FRMD6: variants seen among roughly 807,000 people sequenced by gnomAD.
The protein encoded by FRMD6 is FERM domain containing 6, also known as FERM domain-containing protein 6.
Under a neutral mutation model 73.2 loss-of-function variants are expected in FRMD6, and 37 were observed. That is an observed-to-expected ratio of 0.51 (90% CI 0.39 to 0.66). FRMD6 has a LOEUF of 0.66. Among genes scored for constraint, FRMD6 ranks in the 30% least tolerant of loss-of-function variants. The pLI is 0.00. For synonymous variants in FRMD6, 273 were observed against 282.2 expected (o/e 0.97, Z 0.33); for missense variants, 714 against 780.5 (o/e 0.91, Z 1.02).
chr14:51,509,116 G>C (rs1427418858), intron 1 of FRMD6, among the ~76,000 whole-genome samples: 2 of 152,212 alleles, frequency 1.3e-5, no homozygotes, highest in Admixed American at 1.3e-4. Context: ...GAATTGCCCT[G>C]AGGGGTGGTT....
chr14:51,559,874 G>A (rs1481892464), intron 1 of FRMD6, among the ~76,000 whole-genome samples: 1 of 152,194 alleles, frequency 6.6e-6, no homozygotes. Context: ...TCAGAAGTGA[G>A]TATAAGCACA....
the FRMD6 span, among the ~76,000 whole-genome samples, chr14:51,438,423 G>A: frequency 1.3e-5 from 2 of 152,190 alleles, no homozygotes; most frequent in Admixed American, 6.5e-5. Context: ...GCTTTGTTAC[G>A]ATACAACTAA....
At chr14:51,676,590 G>A (rs913210017) in intron 1 of FRMD6, among the ~76,000 whole-genome samples, 5 of 152,110 alleles carry the variant, frequency 3.3e-5, no homozygotes, top group Admixed American at 6.6e-5. Context: ...TCTTTTTAAA[G>A]TTTAATTATC....
intron 3 of FRMD6, among the ~76,000 whole-genome samples, chr14:51,700,636 T>A (rs1896251758): frequency 6.6e-6 from 1 of 151,990 alleles, no homozygotes; most frequent in South Asian, 2.1e-4. Flanking sequence ...TACATAGCAA[T>A]TAAGATAGTG....
chr14:51,543,197 C>A (rs902529596), intron 1 of FRMD6, among the ~76,000 whole-genome samples: 7 of 151,892 alleles, frequency 4.6e-5, no homozygotes, highest in Non-Finnish European at 8.8e-5. Context: ...CTTGCACTGA[C>A]AGTATTACCA....
intron 2 of FRMD6, among the ~76,000 whole-genome samples, chr14:51,630,513 G>A (rs557997997): frequency 3.9e-5 from 6 of 152,188 alleles, no homozygotes; most frequent in Non-Finnish European, 8.8e-5. Flanking sequence ...ACTTTGGGAA[G>A]CCAAAGTCAG....
At chr14:51,527,113 A>G (rs1373355501) in intron 1 of FRMD6, among the ~76,000 whole-genome samples, 1 of 152,276 alleles carries the variant, frequency 6.6e-6, no homozygotes, top group Non-Finnish European at 1.5e-5. Flanking sequence ...TGGAGATTAA[A>G]TAACACTTGC....
intron 2 of FRMD6, among the ~76,000 whole-genome samples, chr14:51,644,456 C>T (rs1891972275): frequency 6.6e-6 from 1 of 151,680 alleles, no homozygotes; most frequent in Non-Finnish European, 1.5e-5. Flanking sequence ...TTCATTCATT[C>T]AACAAATATG....
the FRMD6 span, among the ~76,000 whole-genome samples, chr14:51,459,884 C>CTCTTTTTT: frequency 4.0e-5 from 3 of 74,650 alleles, no homozygotes; most frequent in African/African-American, 1.7e-4. Flanking sequence ...TACTGACTCT[C>CTCTTTTTT]TTTTTTTTTT....
the FRMD6 span, among the ~76,000 whole-genome samples, chr14:51,474,138 G>A: frequency 6.6e-5 from 10 of 152,266 alleles, no homozygotes; most frequent in East Asian, 7.7e-4. Flanking sequence ...CAGAGCCCAT[G>A]CTTTTAATCA....
intron 1 of FRMD6, among the ~76,000 whole-genome samples, chr14:51,548,491 A>C (rs1267049915): frequency 2.0e-5 from 3 of 152,196 alleles, no homozygotes; most frequent in African/African-American, 7.2e-5. Flanking sequence ...GGCTTAGGGT[A>C]ATTAGCTCTG....
chr14:51,583,438 A>G (rs1888847678), intron 2 of FRMD6, among the ~76,000 whole-genome samples: 1 of 152,220 alleles, frequency 6.6e-6, no homozygotes, highest in South Asian at 2.1e-4. Flanking sequence ...GCACGAAACA[A>G]TTTAATTCTT....
At chr14:51,619,367 G>A (rs531511099) in intron 2 of FRMD6, among the ~76,000 whole-genome samples, 1 of 151,402 alleles carries the variant, frequency 6.6e-6, no homozygotes, top group South Asian at 2.1e-4. Flanking sequence ...GTATGCAAGA[G>A]GAGGAGGATA....
intron 10 of FRMD6, among the ~76,000 whole-genome samples, chr14:51,716,672 C>T (rs992291801): frequency 3.3e-5 from 5 of 152,236 alleles, no homozygotes; most frequent in Non-Finnish European, 7.3e-5. Context: ...TCCTCACTGT[C>T]TGCCACAAAC....
intron 3 of FRMD6, among the ~76,000 whole-genome samples, chr14:51,700,731 C>G (rs564625519): frequency 6.6e-6 from 1 of 151,946 alleles, no homozygotes; most frequent in Non-Finnish European, 1.5e-5. Context: ...GACTAACACC[C>G]ACAGTGTTAG....
intron 1 of FRMD6, among the ~76,000 whole-genome samples, chr14:51,512,883 A>G (rs967761067): frequency 5.3e-5 from 8 of 152,176 alleles, no homozygotes; most frequent in Non-Finnish European, 1.0e-4. Context: ...TGTACTGGCC[A>G]TGGCAGCACT....
chr14:51,413,085 G>A, the FRMD6 span, among the ~76,000 whole-genome samples: 1,081 of 151,030 alleles, frequency 7.2e-3, 13 homozygotes, highest in Non-Finnish European at 0.01. Flanking sequence ...CTGCCTCCTG[G>A]GTTCAAGCAA....
rs532313362 is a variant in FRMD6, at chr14:51,532,446, A to T, written c.-209-37902A>T. On this transcript the variant is annotated intron_variant, in intron 1 of 14. Transcript: ENST00000356218. The stretch of plus-strand genomic sequence containing the variant: ...GATTGTGTCTAGGAATCATCTTGTG[A>T]TTTTGCTGACAACAATTATATTCAT... 2.0e-5 allele frequency among the ~76,000 whole-genome samples: 3 copies of T among 151,772 alleles called. No homozygotes were observed. The East Asian group carries it at 5.8e-4, about 29-fold the overall frequency.
chr14:51,629,915 C>G (rs1891271617), intron 2 of FRMD6, among the ~76,000 whole-genome samples: 1 of 152,120 alleles, frequency 6.6e-6, no homozygotes, highest in African/African-American at 2.4e-5. Context: ...TATTCTTCTC[C>G]CAGAGGCTAC....
Sources: gnomAD v4.1 joint callset for allele counts (sites outside exome capture counted in the v4.1 genomes callset) on GRCh38, gnomAD v4.1.1 for gene constraint, MANE v1.5 for transcripts, NCBI Gene and HGNC (gene_info 2026-07-23, HGNC 2026-07-21) for gene names.